ADAM22: variants seen among roughly 807,000 people sequenced by gnomAD.
ADAM22 encodes the protein ADAM metallopeptidase domain 22.
A neutral mutation model predicts 144.6 loss-of-function variants in ADAM22; 65 were observed. The observed-to-expected ratio is 0.45, with a 90% CI of 0.37 to 0.55. The LOEUF (loss-of-function observed/expected upper bound fraction) is 0.55. Among genes scored for constraint, ADAM22 ranks in the 20% least tolerant of loss-of-function variants. The pLI, the probability that ADAM22 is intolerant of heterozygous loss-of-function variation, is 0.00. For synonymous variants in ADAM22, 391 were observed against 412.6 expected (o/e 0.95, Z 0.63); for missense variants, 974 against 1,184.9 (o/e 0.82, Z 2.61).
At chr7:88,148,292 A>T (rs1837189615) in intron 17 of ADAM22, among the ~76,000 whole-genome samples, 1 of 152,156 alleles carries the variant, frequency 6.6e-6, no homozygotes, top group Non-Finnish European at 1.5e-5. Flanking sequence ...GAAGTACTTT[A>T]ACTATATATC....
intron 2 of ADAM22, among the ~76,000 whole-genome samples, chr7:87,959,568 C>T (rs1584619957): frequency 6.6e-6 from 1 of 152,136 alleles, no homozygotes; most frequent in Non-Finnish European, 1.5e-5. Flanking sequence ...TTTCCAAAAA[C>T]ATAGCTACCA....
intron 14 of ADAM22, among the ~76,000 whole-genome samples, chr7:88,139,575 A>C (rs138435799): frequency 6.6e-6 from 1 of 152,192 alleles, no homozygotes; most frequent in South Asian, 2.1e-4. Flanking sequence ...TTGCAAGGAA[A>C]AAAGGAAGTA....
intron 7 of ADAM22, among the ~76,000 whole-genome samples, chr7:88,121,452 T>G (rs1028762269): frequency 2.0e-5 from 3 of 152,190 alleles, no homozygotes; most frequent in African/African-American, 7.2e-5. Flanking sequence ...AACAAATATT[T>G]ATTACCTCAT....
intron 14 of ADAM22, among the ~76,000 whole-genome samples, chr7:88,137,570 C>G (rs140497208): frequency 2.1e-4 from 32 of 152,198 alleles, no homozygotes; most frequent in African/African-American, 7.5e-4. Flanking sequence ...AATGCCTTTC[C>G]CTTTTTTCTC....
chr7:88,201,771 A>G lies in ADAM22; in HGVS notation c.*5280A>G, dbSNP rs896701757. ...TTTTGGTTTTGTTTTACAAAAAGGC[A>G]TACAATGAGACGAATTCTTAAGATA... On this transcript the variant is annotated 3_prime_UTR_variant, in exon 32 of 32. Coordinates refer to ENST00000413139, the MANE Select transcript of ADAM22 (RefSeq NM_001324418.2). The G allele has an allele frequency of 6.6e-6, 1 of 152,250 alleles. No homozygotes were observed. The highest frequency in any genetic ancestry group is 2.4e-5 in the African/African-American group (1 of 41,474). The allele number at this position is 152,250 out of a possible 1,614,324, so 9.4% of individuals were successfully genotyped here. A position where few individuals can be genotyped will look rare whatever the true frequency, so the allele number is the denominator to read the frequency against.
chr7:88,139,753 A>T (rs201287259), intron 14 of ADAM22, among the ~76,000 whole-genome samples: 2 of 113,710 alleles, frequency 1.8e-5, no homozygotes, highest in Non-Finnish European at 3.4e-5. Context: ...AGGCTGTGTC[A>T]GGTTTTATAA....
At chr7:88,195,809 G>A (rs530851497) in intron 31 of ADAM22, among the ~76,000 whole-genome samples, 4 of 152,260 alleles carry the variant, frequency 2.6e-5, no homozygotes, top group Admixed American at 6.5e-5. Context: ...GAGCCACCAC[G>A]CCCGGCTGAG....
chr7:88,121,252 C>T (rs1829227861), intron 7 of ADAM22, among the ~76,000 whole-genome samples: 1 of 152,048 alleles, frequency 6.6e-6, no homozygotes, highest in East Asian at 1.9e-4. Context: ...GATTTTAGAA[C>T]CTGCTTGTCA....
intron 14 of ADAM22, among the ~76,000 whole-genome samples, chr7:88,137,473 T>C (rs1465034424): frequency 1.3e-5 from 2 of 152,208 alleles, no homozygotes; most frequent in Non-Finnish European, 2.9e-5. Context: ...ACTACATAGA[T>C]TTTCAGCTTC....
At position 87,943,461 on chromosome 7, in the gene ADAM22, G is replaced by A. The variant is rs1842863852; in HGVS notation, c.246+8275G>A. On this transcript the variant is annotated intron_variant, in intron 2 of 31. Transcript: ENST00000413139. ...ATACCTAACGTTATTTCTTGGTCTG[G>A]CCCAGGTCTCCTCCCTAGCTAACTT... is the stretch of plus-strand genomic sequence containing the variant. Among the ~76,000 whole-genome samples, 5 of 151,928 alleles carry A rather than the reference G, an allele frequency of 3.3e-5. No homozygotes were observed. In the South Asian group the frequency reaches 1.0e-3, roughly 32 times the overall value.
intron 3 of ADAM22, among the ~76,000 whole-genome samples, chr7:88,056,972 A>G (rs1808413946): frequency 6.6e-6 from 1 of 152,186 alleles, no homozygotes; most frequent in South Asian, 2.1e-4. Context: ...CAGGCCTTTC[A>G]AAACTTATAC....
intron 3 of ADAM22, among the ~76,000 whole-genome samples, chr7:88,048,162 T>G (rs1805190068): frequency 6.6e-6 from 1 of 152,140 alleles, no homozygotes; most frequent in Non-Finnish European, 1.5e-5. Context: ...CACTGTTTAT[T>G]TTATAAAAAT....
intron 4 of ADAM22, among the ~76,000 whole-genome samples, chr7:88,085,045 G>A (rs77059203): frequency 0.021 from 3,148 of 152,154 alleles, 102 homozygotes; most frequent in African/African-American, 0.07. Flanking sequence ...TTTTAACTGC[G>A]TTACCTCTTT....
chr7:88,174,167 C>G (rs933169463), intron 26 of ADAM22, among the ~76,000 whole-genome samples: 1 of 152,126 alleles, frequency 6.6e-6, no homozygotes, highest in African/African-American at 2.4e-5. Flanking sequence ...GATAAATTTT[C>G]TCTTCTGAGA....
chr7:87,955,769 G>A (rs1345440553), intron 2 of ADAM22, among the ~76,000 whole-genome samples: 2 of 152,210 alleles, frequency 1.3e-5, no homozygotes, highest in African/African-American at 2.4e-5. Context: ...TTGAGCTGTG[G>A]TGGGGTCCAC....
chr7:88,060,914 G>A (rs1428532207), intron 3 of ADAM22, among the ~76,000 whole-genome samples: 1 of 151,996 alleles, frequency 6.6e-6, no homozygotes, highest in African/African-American at 2.4e-5. Context: ...GACCAGCCTG[G>A]CCAACATGGT....
intron 24 of ADAM22, among the ~76,000 whole-genome samples, chr7:88,166,262 T>G (rs772430196): frequency 2.6e-5 from 4 of 152,140 alleles, no homozygotes; most frequent in Non-Finnish European, 5.9e-5. Context: ...TTGTGTGCAT[T>G]TAGAGGAATA....
chr7:87,985,724 G>T (rs1788320287), intron 3 of ADAM22, among the ~76,000 whole-genome samples: 1 of 151,988 alleles, frequency 6.6e-6, no homozygotes, highest in African/African-American at 2.4e-5. Context: ...TGGACATTTG[G>T]TTTTTTTCTA....
chr7:88,045,506 A>T (rs1467125986), intron 3 of ADAM22, among the ~76,000 whole-genome samples: 1 of 152,164 alleles, frequency 6.6e-6, no homozygotes, highest in Non-Finnish European at 1.5e-5. Context: ...ACATCAAGTG[A>T]ATTACTTTAT....
Sources: gnomAD v4.1 joint callset for allele counts (sites outside exome capture counted in the v4.1 genomes callset) on GRCh38, gnomAD v4.1.1 for gene constraint, MANE v1.5 for transcripts, NCBI Gene and HGNC (gene_info 2026-07-23, HGNC 2026-07-21) for gene names.